Variants in DNM2 observed in about 807,000 individuals in gnomAD.
DNM2 encodes dynamin 2, also known as dynamin-2.
Under a neutral mutation model 99.0 loss-of-function variants are expected in DNM2, and 15 were observed. The ratio of observed to expected loss-of-function variants is 0.15; its 90% confidence interval spans 0.10 to 0.23. The LOEUF (loss-of-function observed/expected upper bound fraction) is 0.23. DNM2 is among the 10% of genes least tolerant of loss of function. DNM2 has a pLI of 1.00. For synonymous variants in DNM2, 525 were observed against 481.2 expected (o/e 1.09, Z -1.19); for missense variants, 742 against 1,189.4 (o/e 0.62, Z 5.53).
chr19:10,773,014 C>T (rs1210418516), intron 3 of DNM2, among the ~76,000 whole-genome samples: 2 of 140,180 alleles, frequency 1.4e-5, no homozygotes, highest in Non-Finnish European at 3.0e-5. Context: ...GAGTCTTGCT[C>T]TGTTGCCCAG....
At chr19:10,790,471 G>T (rs930095396) in intron 7 of DNM2, among the ~76,000 whole-genome samples, 2 of 151,710 alleles carry the variant, frequency 1.3e-5, no homozygotes, top group Admixed American at 6.6e-5. Context: ...GTATTTGGTG[G>T]TTTTTTTTGT....
At chr19:10,724,512 A>C (rs1420507480) in intron 1 of DNM2, among the ~76,000 whole-genome samples, 1 of 152,164 alleles carries the variant, frequency 6.6e-6, no homozygotes, top group African/African-American at 2.4e-5. Flanking sequence ...AATTGGTGAC[A>C]TTTGAGCAGA....
intron 12 of DNM2, chr19:10,803,789 T>TCAGAGC (rs2072241115): frequency 2.7e-6 from 2 of 735,202 alleles, no homozygotes; most frequent in South Asian, 6.2e-5. Context: ...GGGTGCTCTC[T>TCAGAGC]CAGAGCCAGG....
Position 10,795,500 on chromosome 19 carries a change from A to G in DNM2, c.1196+61A>G, listed in dbSNP as rs2071900027. The G allele has an allele frequency of 2.5e-6, 4 of 1,592,460 alleles. No homozygotes were observed. The highest frequency in any genetic ancestry group is 3.4e-6 in the Non-Finnish European group (4 of 1,161,684). On this transcript the variant is annotated intron_variant, in intron 9 of 20. Transcript: ENST00000389253. The surrounding 1 kb of genome is among the most constrained non-coding windows in gnomAD (Gnocchi z 4.2). Reference sequence around the variant, plus strand: ...CTCTCCGTGGTGCGACCCCCCAGCTAATTGGGTCACCCACACCTCTGAGTC... The same window carrying G: ...CTCTCCGTGGTGCGACCCCCCAGCTGATTGGGTCACCCACACCTCTGAGTC...
chr19:10,777,431 A>C (rs1409020652), intron 5 of DNM2, among the ~76,000 whole-genome samples: 2 of 152,176 alleles, frequency 1.3e-5, no homozygotes, highest in Non-Finnish European at 2.9e-5. Flanking sequence ...GGTTTCTGAA[A>C]CATTAGAAAA....
In DNM2 at chr19:10,806,389, G is replaced by A. The variant is rs138221526; in HGVS notation, c.1545+422G>A. Among the ~76,000 whole-genome samples, 23 of 152,064 alleles carry A rather than the reference G, an allele frequency of 1.5e-4. No individual in the cohort carries two copies. The East Asian group carries it at 3.7e-3, about 24-fold the overall frequency. On this transcript the variant is annotated intron_variant, in intron 13 of 20. Coordinates refer to ENST00000389253, the MANE Select transcript of DNM2 (RefSeq NM_001005361.3). The stretch of plus-strand genomic sequence containing the variant: ...AATATTTAAAAATTACCTGGGAGTG[G>A]TGGGCTCATGCCTATCACCCCAGCT...
At chr19:10,801,230 C>T (rs2072128858) in intron 11 of DNM2, among the ~76,000 whole-genome samples, 1 of 152,062 alleles carries the variant, frequency 6.6e-6, no homozygotes, top group Admixed American at 6.6e-5. Flanking sequence ...TGCTTGAACC[C>T]AGGAGGCAGA....
chr19:10,770,821 G>T (rs1440274781), intron 2 of DNM2, among the ~76,000 whole-genome samples: 1 of 152,154 alleles, frequency 6.6e-6, no homozygotes, highest in Non-Finnish European at 1.5e-5. Flanking sequence ...ATGATTCATT[G>T]ATCTCCCACT....
chr19:10,785,632 G>T (rs893495066), intron 6 of DNM2, among the ~76,000 whole-genome samples: 2 of 152,004 alleles, frequency 1.3e-5, no homozygotes, highest in African/African-American at 4.8e-5. Context: ...GTAGAGAGAA[G>T]GTCTCACCAT....
chr19:10,726,592 C>A (rs1327571556), intron 1 of DNM2, among the ~76,000 whole-genome samples: 1 of 152,134 alleles, frequency 6.6e-6, no homozygotes, highest in Non-Finnish European at 1.5e-5. Flanking sequence ...TATTTACACA[C>A]ATTTTGTGTA....
chr19:10,751,384 C>CT (rs1172593085), intron 1 of DNM2, among the ~76,000 whole-genome samples: 1 of 152,036 alleles, frequency 6.6e-6, no homozygotes, highest in Non-Finnish European at 1.5e-5. Flanking sequence ...TTTCAGTACT[C>CT]TCAGAATGCG....
At position 10,829,107 on chromosome 19, in the gene DNM2, G is replaced by A. The variant is rs2073247209; in HGVS notation, c.2130G>A (p.Glu710=). Residue 710 remains glutamate, a synonymous_variant, in exon 19 of 21, where the codon GAG becomes GAA. Coordinates refer to ENST00000389253, the MANE Select transcript of DNM2 (RefSeq NM_001005361.3). ...YSSADQSSLM[E]ESADQAQRRD... ...CGGCAGACCAGAGCAGCCTCATGGA[G>A]GAGTCGGCTGACCAGGCACAGCGGC... 1 of 1,613,926 alleles carries A rather than the reference G, an allele frequency of 6.2e-7. No individual in the cohort carries two copies. Among genetic ancestry groups the A allele is most frequent in the African/African-American group, 1.3e-5 (1 of 74,932 alleles).
chr19:10,725,102 T>A (rs2069069896), intron 1 of DNM2, among the ~76,000 whole-genome samples: 1 of 152,182 alleles, frequency 6.6e-6, no homozygotes, highest in Non-Finnish European at 1.5e-5. Flanking sequence ...GGAAATGACA[T>A]CTTCTGTTTC....
chr19:10,741,382 C>T (rs2069741040), intron 1 of DNM2, among the ~76,000 whole-genome samples: 1 of 151,872 alleles, frequency 6.6e-6, no homozygotes, highest in Non-Finnish European at 1.5e-5. Context: ...CAGGCGTGTG[C>T]CACACCCGAC....
At chr19:10,798,462 C>T (rs372324590) in intron 10 of DNM2, 24 bp from the exon 11 acceptor site, 66 of 1,613,408 alleles carry the variant, frequency 4.1e-5, no homozygotes, top group Non-Finnish European at 5.2e-5. Context: ...CCCGCCAATG[C>T]GACCACTCTG....
intron 7 of DNM2, among the ~76,000 whole-genome samples, chr19:10,791,926 A>G (rs2071767042): frequency 1.3e-5 from 2 of 152,146 alleles, no homozygotes; most frequent in Non-Finnish European, 2.9e-5. Flanking sequence ...CATTTCTCCT[A>G]AAAGCACAAA....
At chr19:10,776,198 C>T (rs975694159) in intron 4 of DNM2, among the ~76,000 whole-genome samples, 3 of 152,216 alleles carry the variant, frequency 2.0e-5, no homozygotes, top group Non-Finnish European at 2.9e-5. Flanking sequence ...CGCCCAGATG[C>T]GATCTTAGGT....
intron 2 of DNM2, among the ~76,000 whole-genome samples, chr19:10,760,408 G>A (rs1234806618): frequency 1.3e-5 from 2 of 151,994 alleles, no homozygotes; most frequent in Admixed American, 6.6e-5. Context: ...AGTAGCAGAC[G>A]TGGTGACACA....
chr19:10,752,216 GA>G (rs1568279402), intron 1 of DNM2, among the ~76,000 whole-genome samples: 1 of 151,762 alleles, frequency 6.6e-6, no homozygotes, highest in Admixed American at 6.5e-5. Context: ...AGCCAGAAAG[GA>G]AAAAGGAAAA....
Sources: allele counts gnomAD v4.1 joint callset (sites outside exome capture counted in the v4.1 genomes callset), GRCh38; gene constraint gnomAD v4.1.1; non-coding constraint Gnocchi (gnomAD v3.1); transcripts MANE v1.5; gene names NCBI Gene and HGNC (gene_info 2026-07-23, HGNC 2026-07-21).